ERVW-1: variants seen among roughly 807,000 people sequenced by gnomAD.
ERVW-1 encodes endogenous retrovirus group W member 1, envelope.
ERVW-1 carries 21 observed loss-of-function variants against 16.6 expected under a neutral mutation model. The ratio of observed to expected loss-of-function variants is 1.26; its 90% confidence interval spans 0.90 to 1.82. The LOEUF (loss-of-function observed/expected upper bound fraction) is 1.82, where lower values mean the gene tolerates loss of function less well. ERVW-1 is among the 40% of genes most tolerant of loss of function. ERVW-1 has a pLI of 0.00. For synonymous variants in ERVW-1, 161 were observed against 109.8 expected (o/e 1.47, Z -2.92); for missense variants, 412 against 300.2 (o/e 1.37, Z -2.75).
intron 1 of ERVW-1, among the ~76,000 whole-genome samples, chr7:92,476,624 C>T (rs959113439): frequency 6.6e-6 from 1 of 152,052 alleles, no homozygotes; most frequent in Non-Finnish European, 1.5e-5. Flanking sequence ...TTGTCTCTCT[C>T]TCTCTTCTGT....
At chr7:92,477,304 C>A (rs1323916645) in intron 1 of ERVW-1, 78 bp downstream of exon 1, 1 of 152,356 alleles carries the variant, frequency 6.6e-6, no homozygotes, top group African/African-American at 2.4e-5. Context: ...AACTGGCCGA[C>A]AAGTGCCCGG....
chr7:92,470,489 G>C lies in ERVW-1; in HGVS notation c.-108C>G. ...CTAGCGTTGTCTCCTGGATTTTCAGGTTCCTTTGGCAGTATCCAGGATTTG... is the reference window on the plus strand; with the variant it reads ...CTAGCGTTGTCTCCTGGATTTTCAGCTTCCTTTGGCAGTATCCAGGATTTG... On this transcript the variant is annotated 5_prime_UTR_variant, in exon 2 of 2. Transcript: ENST00000603053. 1 of 596,192 alleles carries C rather than the reference G, an allele frequency of 1.7e-6. No individual in the cohort carries two copies. The highest frequency in any genetic ancestry group is 2.2e-5 in the South Asian group (1 of 46,150). 36.9% of individuals were successfully genotyped at this position (596,192 alleles called of 1,614,324 possible). A position where few individuals can be genotyped will look rare whatever the true frequency, so the allele number is the denominator to read the frequency against.
intron 1 of ERVW-1, chr7:92,474,648 T>G (rs558590638): frequency 1.3e-5 from 2 of 152,316 alleles, no homozygotes; most frequent in African/African-American, 4.8e-5. Context: ...CGCCAAACTC[T>G]CAGGCTGCAG....
intron 1 of ERVW-1, chr7:92,475,136 A>G (rs979407789): frequency 6.6e-6 from 1 of 152,142 alleles, no homozygotes; most frequent in Non-Finnish European, 1.5e-5. Flanking sequence ...TTTTCTACAA[A>G]AGAGGTCTAG....
At chr7:92,472,546 A>G (rs1198059982) in intron 1 of ERVW-1, 1 of 152,232 alleles carries the variant, frequency 6.6e-6, no homozygotes, top group East Asian at 1.9e-4. Flanking sequence ...GGCAAACTTA[A>G]CACTGGGGCT....
intron 1 of ERVW-1, chr7:92,472,642 T>C (rs1255529865): frequency 6.6e-6 from 1 of 152,256 alleles, no homozygotes; most frequent in African/African-American, 2.4e-5. Context: ...TTAATTAGTG[T>C]ATTTAATGAC....
At chr7:92,475,272 A>G (rs1482572851) in intron 1 of ERVW-1, 2 of 152,088 alleles carry the variant, frequency 1.3e-5, no homozygotes, top group Non-Finnish European at 2.9e-5. Context: ...AATACGTCTT[A>G]GGGGCGTTTT....
At chr7:92,476,003 G>A (rs912299430) in intron 1 of ERVW-1, among the ~76,000 whole-genome samples, 14 of 152,124 alleles carry the variant, frequency 9.2e-5, no homozygotes, top group Non-Finnish European at 4.4e-5. Flanking sequence ...AAGAGTCCCC[G>A]TATCAATTAC....
At position 92,469,220 on chromosome 7, in the gene ERVW-1, A is replaced by G. The variant is rs1473023429; in HGVS notation, c.1162T>C (p.Leu388=). The change falls in exon 2 of 2, where the codon TTG becomes CTG. Residue 388 remains leucine, a synonymous_variant. Transcript: ENST00000603053. ...VVLQNRRALD[L]LTAERGGTCL... ...GTTCCCCCTCTTTCAGCGGTTAGCAAGTCTAAAGCTCTTCGATTTTGAAGG... is the reference window on the plus strand; with the variant it reads ...GTTCCCCCTCTTTCAGCGGTTAGCAGGTCTAAAGCTCTTCGATTTTGAAGG... 1 of 760,896 alleles carries G rather than the reference A, an allele frequency of 1.3e-6. No homozygotes were observed. Among genetic ancestry groups the G allele is most frequent in the Non-Finnish European group, 2.4e-6 (1 of 415,956 alleles). 47.1% of individuals were successfully genotyped at this position (760,896 alleles called of 1,614,324 possible).
chr7:92,475,129 T>G (rs1050381210), intron 1 of ERVW-1: 2 of 152,182 alleles, frequency 1.3e-5, no homozygotes, highest in African/African-American at 4.8e-5. Context: ...ATTTGCCTTT[T>G]CTACAAAAGA....
chr7:92,475,971 A>G (rs1386183826), intron 1 of ERVW-1, among the ~76,000 whole-genome samples: 1 of 152,076 alleles, frequency 6.6e-6, no homozygotes, highest in Non-Finnish European at 1.5e-5. Flanking sequence ...TTATTAGGCA[A>G]TTTTTCTAAC....
Position 92,470,138 on chromosome 7 carries a change from C to T in ERVW-1, c.244G>A (p.Ala82Thr). The T allele has an allele frequency of 1.3e-6, 1 of 778,802 alleles. No individual in the cohort carries two copies. The highest frequency in any genetic ancestry group is 2.4e-6 in the Non-Finnish European group (1 of 417,936). The allele number at this position is 778,802 out of a possible 1,614,324, so 48.2% of individuals were successfully genotyped here. ...TTTCCTGTCCAATAATGAGTATTTG[C>T]ATGCATGCAAAGAGTGGCAGAGTGA... ...CYHSATLCMH[A>T]NTHYWTGKMI... The change falls in exon 2 of 2, where the codon GCA becomes ACA. Residue 82 changes from alanine to threonine, a missense_variant. Coordinates refer to ENST00000603053, the MANE Select transcript of ERVW-1 (RefSeq NM_001130925.2).
At chr7:92,476,691 C>G (rs1585195615) in intron 1 of ERVW-1, among the ~76,000 whole-genome samples, 2 of 152,018 alleles carry the variant, frequency 1.3e-5, no homozygotes, top group East Asian at 3.9e-4. Flanking sequence ...CCATTTCTCT[C>G]TCTCTCCTCT....
At position 92,469,161 on chromosome 7, in the gene ERVW-1, A is replaced by G. The variant is rs781328099; in HGVS notation, c.1221T>C (p.Tyr407=). The G allele has an allele frequency of 8.2e-5, 58 of 707,932 alleles. No homozygotes were observed. Among genetic ancestry groups the G allele is most frequent in the Non-Finnish European group, 1.2e-4 (46 of 388,408 alleles). The allele number at this position is 707,932 out of a possible 1,614,324, so 43.9% of individuals were successfully genotyped here. ...CAGTGACGATTCCGGATTGATTAAC[A>G]TAATAACAGCATTCTTCCCCTAAAA... ...CLFLGEECCY[Y]VNQSGIVTEK... is the part of the protein sequence containing the mutation. Residue 407 remains tyrosine, a synonymous_variant, in exon 2 of 2, where the codon TAT becomes TAC. Transcript: ENST00000603053.
At position 92,476,596 on chromosome 7, in the gene ERVW-1, A is replaced by ACC. The variant is rs1422189039; in HGVS notation, c.-228+785_-228+786insGG. On this transcript the variant is annotated intron_variant, in intron 1 of 1. Transcript: ENST00000603053. ...TTCTTTCTCTTTCTTTCTCTCTTTG[A>ACC]CTCTCTCTCTCTCCTCTTTGTCTCT... Among the ~76,000 whole-genome samples the ACC allele has an allele frequency of 1.1e-4, 15 of 138,078 alleles. No homozygotes were observed. The East Asian group carries it at 3.2e-3, about 30-fold the overall frequency. The allele number at this position is 138,078 out of a possible 152,430, so 90.6% of individuals were successfully genotyped here. A position where few individuals can be genotyped will look rare whatever the true frequency, so the allele number is the denominator to read the frequency against.
chr7:92,473,554 C>CTA (rs2115961346), intron 1 of ERVW-1, among the ~76,000 whole-genome samples: 1 of 152,156 alleles, frequency 6.6e-6, no homozygotes, highest in Non-Finnish European at 1.5e-5. Context: ...GTTCCTTCTC[C>CTA]TATGTTCAGG....
intron 1 of ERVW-1, among the ~76,000 whole-genome samples, chr7:92,476,955 A>G (rs1790570111): frequency 6.6e-6 from 1 of 152,200 alleles, no homozygotes; most frequent in Non-Finnish European, 1.5e-5. Context: ...GATCAGAGGA[A>G]GTATATTCAG....
chr7:92,472,394 A>G lies in ERVW-1; in HGVS notation c.-227-1786T>C, dbSNP rs1268599780. 3 of 152,238 alleles carry G rather than the reference A, an allele frequency of 2.0e-5. No individual in the cohort carries two copies. The East Asian group carries it at 5.8e-4, about 29-fold the overall frequency. 9.4% of individuals were successfully genotyped at this position (152,238 alleles called of 1,614,324 possible). On this transcript the variant is annotated intron_variant, in intron 1 of 1. Coordinates refer to ENST00000603053, the MANE Select transcript of ERVW-1 (RefSeq NM_001130925.2). ...CTACTGCCACCACTACCCGTAAACA[A>G]TGAGGTCAACCCTTTGCCACTACAT...
Position 92,469,150 on chromosome 7 carries a change from G to T in ERVW-1, c.1232C>A (p.Ser411Tyr), listed in dbSNP as rs771958803. Residue 411 changes from serine to tyrosine, a missense_variant, in exon 2 of 2, where the codon TCC becomes TAC. Physicochemically the swap from Ser to Tyr is moderately radical, Grantham distance 144 (BLOSUM62 -2). Coordinates refer to ENST00000603053, the MANE Select transcript of ERVW-1 (RefSeq NM_001130925.2). ...TTTAACTTTCTCAGTGACGATTCCGGATTGATTAACATAATAACAGCATTC... is the reference window on the plus strand; with the variant it reads ...TTTAACTTTCTCAGTGACGATTCCGTATTGATTAACATAATAACAGCATTC... Reference protein sequence around the residue: ...GEECCYYVNQSGIVTEKVKEI... With the variant: ...GEECCYYVNQYGIVTEKVKEI... The T allele has an allele frequency of 1.4e-6, 1 of 705,214 alleles. No individual in the cohort carries two copies. The highest frequency in any genetic ancestry group is 2.0e-5 in the Admixed American group (1 of 50,202). The allele number at this position is 705,214 out of a possible 1,614,324, so 43.7% of individuals were successfully genotyped here.
Sources: allele counts gnomAD v4.1 joint callset (sites outside exome capture counted in the v4.1 genomes callset), GRCh38; gene constraint gnomAD v4.1.1; transcripts MANE v1.5; gene names NCBI Gene and HGNC (gene_info 2026-07-23, HGNC 2026-07-21).